Variants in NAALADL2 observed in about 807,000 individuals in gnomAD.
NAALADL2 encodes N-acetylated alpha-linked acidic dipeptidase like 2, also known as inactive N-acetylated-alpha-linked acidic dipeptidase-like protein 2.
A neutral mutation model predicts 87.2 loss-of-function variants in NAALADL2; 76 were observed. The ratio of observed to expected loss-of-function variants is 0.87; its 90% confidence interval spans 0.72 to 1.05. The LOEUF is 1.05. Ranked by LOEUF, NAALADL2 falls within the 50% of genes least tolerant of loss-of-function variation. The pLI is 0.00. For missense variants in NAALADL2, 1,089 were observed against 945.8 expected, an observed-to-expected ratio of 1.15 and a Z score of -1.99; for synonymous variants, 354 against 331.0, an observed-to-expected ratio of 1.07 and a Z score of -0.75.
At chr3:174,695,654 T>C (rs1728952219) in intron 2 of NAALADL2, among the ~76,000 whole-genome samples, 1 of 152,072 alleles carries the variant, frequency 6.6e-6, no homozygotes, top group Non-Finnish European at 1.5e-5. Flanking sequence ...AATGCTGGAA[T>C]ATCAAAATAT....
chr3:175,210,692 T>C (rs1741644824), intron 2 of NAALADL2, among the ~76,000 whole-genome samples: 1 of 151,426 alleles, frequency 6.6e-6, no homozygotes, highest in Non-Finnish European at 1.5e-5. Context: ...TCCCTCAAAA[T>C]AATATGAGAT....
At chr3:174,717,735 T>C (rs1280365846) in intron 2 of NAALADL2, among the ~76,000 whole-genome samples, 3 of 152,234 alleles carry the variant, frequency 2.0e-5, no homozygotes, top group Non-Finnish European at 4.4e-5. Flanking sequence ...AAATGATGCT[T>C]AAGAGCATTT....
At chr3:175,397,774 A>T (rs781652981) in intron 5 of NAALADL2, among the ~76,000 whole-genome samples, 1 of 152,158 alleles carries the variant, frequency 6.6e-6, no homozygotes, top group East Asian at 1.9e-4. Flanking sequence ...TTATGTAAGT[A>T]TCTTGGAAAA....
At chr3:175,330,006 A>G (rs373794524) in intron 5 of NAALADL2, among the ~76,000 whole-genome samples, 39 of 152,306 alleles carry the variant, frequency 2.6e-4, no homozygotes, top group African/African-American at 9.1e-4. Context: ...ACCATATACT[A>G]CATTTATCAT....
At chr3:175,442,090 G>A (rs1473352391) in intron 5 of NAALADL2, among the ~76,000 whole-genome samples, 14 of 151,882 alleles carry the variant, frequency 9.2e-5, no homozygotes, top group South Asian at 4.2e-4. Flanking sequence ...GACTACAGGC[G>A]CATGCCACCA....
intron 3 of NAALADL2, among the ~76,000 whole-genome samples, chr3:175,252,419 C>A (rs953431243): frequency 6.6e-6 from 1 of 152,120 alleles, no homozygotes; most frequent in Non-Finnish European, 1.5e-5. Flanking sequence ...TATAAGACAG[C>A]AAACTGACTC....
intron 3 of NAALADL2, among the ~76,000 whole-genome samples, chr3:174,810,888 A>C (rs1314730839): frequency 6.6e-6 from 1 of 152,132 alleles, no homozygotes; most frequent in Non-Finnish European, 1.5e-5. Flanking sequence ...AATATCATGG[A>C]CCAGACCTAG....
chr3:175,789,423 G>A (rs1320442723), intron 13 of NAALADL2, among the ~76,000 whole-genome samples: 1 of 152,024 alleles, frequency 6.6e-6, no homozygotes, highest in African/African-American at 2.4e-5. Context: ...TCATCTTAAT[G>A]TATTTTATAC....
rs113131191 is a variant in NAALADL2, at chr3:175,803,170, T to C, written c.2355T>C (p.Asp785=). Reference sequence around the variant, plus strand: ...AGGTTTACTTCAAAGCAGGACTTGATGTGTTCAAGAGTGTCTTGGATGGGA... The same window carrying C: ...AGGTTTACTTCAAAGCAGGACTTGACGTGTTCAAGAGTGTCTTGGATGGGA... ...SAQVYFKAGL[D]VFKSVLDGKN is the part of the protein sequence containing the mutation. Residue 785 remains aspartate, a synonymous_variant, in exon 14 of 14, where the codon GAT becomes GAC. Coordinates refer to ENST00000454872, the MANE Select transcript of NAALADL2 (RefSeq NM_207015.3). The C allele has an allele frequency of 1.3e-3, 2,128 of 1,611,732 alleles. 31 individuals are homozygous for C. The African/African-American group carries it at 0.026, about 19-fold the overall frequency.
intron 2 of NAALADL2, among the ~76,000 whole-genome samples, chr3:175,133,595 G>C (rs191359992): frequency 2.0e-5 from 3 of 152,138 alleles, no homozygotes; most frequent in Non-Finnish European, 4.4e-5. Flanking sequence ...GGCGGCGCGC[G>C]CCTGCAATCG....
At chr3:175,035,230 A>C (rs1325238896) in intron 1 of NAALADL2, among the ~76,000 whole-genome samples, 3 of 152,166 alleles carry the variant, frequency 2.0e-5, no homozygotes, top group Non-Finnish European at 4.4e-5. Flanking sequence ...GATATAAAAG[A>C]AGTTTGAATT....
intron 2 of NAALADL2, among the ~76,000 whole-genome samples, chr3:175,171,160 T>A (rs183636842): frequency 1.3e-5 from 2 of 152,134 alleles, no homozygotes. Context: ...CAACTCAGGC[T>A]TATAACTTAG....
chr3:175,306,079 G>A (rs138945874), intron 4 of NAALADL2, among the ~76,000 whole-genome samples: 144 of 151,934 alleles, frequency 9.5e-4, no homozygotes, highest in Middle Eastern at 3.4e-3. Flanking sequence ...GTGTAAAAAT[G>A]TATATGTTTT....
intron 9 of NAALADL2, among the ~76,000 whole-genome samples, chr3:175,498,028 A>T (rs978421913): frequency 1.3e-5 from 2 of 152,142 alleles, no homozygotes; most frequent in Non-Finnish European, 2.9e-5. Context: ...GAAATTCAGT[A>T]GCTGAAAAAT....
chr3:175,497,448 C>A (rs564183877), intron 9 of NAALADL2, among the ~76,000 whole-genome samples: 8 of 152,288 alleles, frequency 5.3e-5, no homozygotes, highest in African/African-American at 1.9e-4. Flanking sequence ...ACCTCTACCA[C>A]AATTTTTTCT....
chr3:175,207,306 G>T (rs948143461), intron 2 of NAALADL2, among the ~76,000 whole-genome samples: 2 of 151,666 alleles, frequency 1.3e-5, no homozygotes, highest in African/African-American at 4.8e-5. Context: ...GGTGTGTAAA[G>T]AAATAAAATA....
At chr3:175,769,473 A>C (rs1749187353) in intron 13 of NAALADL2, among the ~76,000 whole-genome samples, 1 of 152,226 alleles carries the variant, frequency 6.6e-6, no homozygotes, top group Admixed American at 6.5e-5. Flanking sequence ...AGAGGGGTTA[A>C]GCATTATTTT....
chr3:174,867,856 T>A (rs114862037), intron 1 of NAALADL2, among the ~76,000 whole-genome samples: 2 of 152,204 alleles, frequency 1.3e-5, no homozygotes, highest in African/African-American at 4.8e-5. Context: ...TAGTGCACTG[T>A]TATTCAAAAT....
chr3:174,739,848 A>G (rs751952651), intron 3 of NAALADL2, among the ~76,000 whole-genome samples: 1 of 152,078 alleles, frequency 6.6e-6, no homozygotes, highest in South Asian at 2.1e-4. Flanking sequence ...TTGTATTAGC[A>G]AAAAGTATTA....
Sources: allele counts gnomAD v4.1 joint callset (sites outside exome capture counted in the v4.1 genomes callset), GRCh38; gene constraint gnomAD v4.1.1; transcripts MANE v1.5; gene names NCBI Gene and HGNC (gene_info 2026-07-23, HGNC 2026-07-21).